Variants in KCNIP4 observed in about 807,000 individuals in gnomAD.
KCNIP4 encodes the protein Kv channel-interacting protein 4.
In KCNIP4, 12 loss-of-function variants were observed where a neutral mutation model predicts 34.0. The observed-to-expected ratio is 0.35, with a 90% CI of 0.23 to 0.57. The LOEUF is 0.57. Among genes scored for constraint, KCNIP4 ranks in the 20% least tolerant of loss-of-function variants. KCNIP4 has a pLI of 0.83. For synonymous variants in KCNIP4, 124 were observed against 102.2 expected, an observed-to-expected ratio of 1.21 and a Z score of -1.29; for missense variants, 238 against 311.7, an observed-to-expected ratio of 0.76 and a Z score of 1.78.
At chr4:20,839,925 C>T (rs1321759082) in intron 3 of KCNIP4, among the ~76,000 whole-genome samples, 2 of 152,204 alleles carry the variant, frequency 1.3e-5, no homozygotes, top group African/African-American at 2.4e-5. Flanking sequence ...TGTGAGATCA[C>T]TGTCCTTAGA....
chr4:21,473,774 C>T (rs534664005), intron 1 of KCNIP4, among the ~76,000 whole-genome samples: 14 of 150,100 alleles, frequency 9.3e-5, no homozygotes, highest in Admixed American at 2.7e-4. Flanking sequence ...AGTGCAGTGG[C>T]GCAGTCGTGG....
At chr4:21,328,536 T>C (rs1357590371) in intron 1 of KCNIP4, among the ~76,000 whole-genome samples, 1 of 152,178 alleles carries the variant, frequency 6.6e-6, no homozygotes, top group Non-Finnish European at 1.5e-5. Context: ...AGTACAGCAC[T>C]GGTGCCTTAT....
At chr4:20,745,726 T>C (rs187905043) in intron 5 of KCNIP4, among the ~76,000 whole-genome samples, 93 of 152,324 alleles carry the variant, frequency 6.1e-4, no homozygotes, top group Admixed American at 2.1e-3. Context: ...ACTTGTTCAG[T>C]TGTGGATTCT....
intron 1 of KCNIP4, among the ~76,000 whole-genome samples, chr4:21,519,680 A>ATG (rs1356960153): frequency 2.9e-5 from 4 of 139,076 alleles, no homozygotes; most frequent in Admixed American, 7.1e-5. Flanking sequence ...GTGTGTATGT[A>ATG]TGTGTATATA....
rs533343736 is a variant in KCNIP4 at position 21,705,693 on chromosome 4, T to A, written c.61+242878A>T. Among the ~76,000 whole-genome samples, 147 of 152,214 alleles carry A rather than the reference T, an allele frequency of 9.7e-4. 1 individual carries two copies. Among genetic ancestry groups the A allele is most frequent in the Middle Eastern group, 6.8e-3 (2 of 294 alleles). On this transcript the variant is annotated intron_variant, in intron 1 of 8. Transcript: ENST00000382152. Reference sequence around the variant, plus strand: ...AACAAAAGTCCTCAAGAGAAAGTGATGATGTTTGAGTAAAATTTGAAGGTG... The same window carrying A: ...AACAAAAGTCCTCAAGAGAAAGTGAAGATGTTTGAGTAAAATTTGAAGGTG...
intron 3 of KCNIP4, among the ~76,000 whole-genome samples, chr4:20,803,725 GAGAGGAAGGA>G (rs1313438847): frequency 2.1e-5 from 2 of 93,526 alleles, no homozygotes; most frequent in African/African-American, 7.0e-5. Context: ...GAGAGAGAGA[GAGAGGAAGGA>G]AGGAAGGAAG....
chr4:21,470,276 G>A (rs1343605261), intron 1 of KCNIP4, among the ~76,000 whole-genome samples: 1 of 152,100 alleles, frequency 6.6e-6, no homozygotes, highest in African/African-American at 2.4e-5. Context: ...GCTCCTTTCT[G>A]TTCTTTATGT....
chr4:21,257,058 A>C (rs1337096871), intron 1 of KCNIP4, among the ~76,000 whole-genome samples: 1 of 152,232 alleles, frequency 6.6e-6, no homozygotes, highest in African/African-American at 2.4e-5. Flanking sequence ...GGTGCTAAAT[A>C]AATAAACATT....
chr4:20,955,832 T>C (rs1733244318), intron 1 of KCNIP4, among the ~76,000 whole-genome samples: 1 of 152,226 alleles, frequency 6.6e-6, no homozygotes, highest in South Asian at 2.1e-4. Flanking sequence ...ATTCAGTTCT[T>C]TTAGTTCCAT....
At chr4:21,490,663 A>G (rs925702513) in intron 1 of KCNIP4, among the ~76,000 whole-genome samples, 20 of 152,228 alleles carry the variant, frequency 1.3e-4, no homozygotes, top group Admixed American at 3.3e-4. Flanking sequence ...CACACTATTC[A>G]TTTAATATCT....
At chr4:21,463,848 G>T (rs7658062) in intron 1 of KCNIP4, among the ~76,000 whole-genome samples, 58,591 of 151,842 alleles carry the variant, frequency 0.39, 11,488 homozygotes, top group African/African-American at 0.45. Context: ...TGGGCTTTAA[G>T]TTGTGGGAAA....
At chr4:21,277,837 G>T (rs771653605) in intron 1 of KCNIP4, among the ~76,000 whole-genome samples, 4 of 152,156 alleles carry the variant, frequency 2.6e-5, no homozygotes, top group Non-Finnish European at 4.4e-5. Context: ...TGAAAGAAAA[G>T]AAATCCATAC....
intron 1 of KCNIP4, among the ~76,000 whole-genome samples, chr4:21,007,309 T>C (rs1260502660): frequency 6.6e-6 from 1 of 152,100 alleles, no homozygotes; most frequent in Non-Finnish European, 1.5e-5. Flanking sequence ...AAAGAAGTCA[T>C]CCAAGAAAAG....
intron 1 of KCNIP4, among the ~76,000 whole-genome samples, chr4:21,820,747 G>A (rs1334724049): frequency 6.6e-6 from 1 of 152,102 alleles, no homozygotes; most frequent in Admixed American, 6.6e-5. Flanking sequence ...TGACATTTCA[G>A]TTAGCTTCAA....
chr4:20,756,760 TTCA>T (rs1243268504), intron 4 of KCNIP4, among the ~76,000 whole-genome samples: 2 of 152,088 alleles, frequency 1.3e-5, no homozygotes, highest in African/African-American at 4.8e-5. Flanking sequence ...CTTACTGGAC[TTCA>T]TCATTTCATT....
intron 1 of KCNIP4, among the ~76,000 whole-genome samples, chr4:21,154,093 C>T (rs17506318): frequency 0.17 from 25,933 of 152,094 alleles, 2,836 homozygotes; most frequent in Non-Finnish European, 0.24. Context: ...CATTATTCTT[C>T]GAATTTATTG....
intron 1 of KCNIP4, among the ~76,000 whole-genome samples, chr4:21,116,081 A>G (rs1490907383): frequency 6.6e-6 from 1 of 152,230 alleles, no homozygotes; most frequent in Non-Finnish European, 1.5e-5. Flanking sequence ...AGAAAAAGTC[A>G]TCATAAAGCC....
At chr4:21,843,666 T>G (rs964951344) in intron 1 of KCNIP4, 1 of 151,988 alleles carries the variant, frequency 6.6e-6, no homozygotes, top group Non-Finnish European at 1.5e-5. Context: ...TCACACTCCA[T>G]TTTTCCAATC....
At chr4:21,516,756 A>G (rs1360429739) in intron 1 of KCNIP4, among the ~76,000 whole-genome samples, 2 of 152,140 alleles carry the variant, frequency 1.3e-5, no homozygotes, top group African/African-American at 4.8e-5. Flanking sequence ...AGATTTTAGC[A>G]ACACATGAAG....
Sources: allele counts gnomAD v4.1 joint callset (sites outside exome capture counted in the v4.1 genomes callset), GRCh38; gene constraint gnomAD v4.1.1; transcripts MANE v1.5; gene names NCBI Gene and HGNC (gene_info 2026-07-23, HGNC 2026-07-21).